Variants in ACBD6 observed in about 807,000 individuals in gnomAD.
The protein encoded by ACBD6 is acyl-CoA-binding domain-containing protein 6.
A neutral mutation model predicts 37.2 loss-of-function variants in ACBD6; 28 were observed. That is an observed-to-expected ratio of 0.75 (90% CI 0.56 to 1.03). The LOEUF is 1.03. Among genes scored for constraint, ACBD6 ranks in the 50% least tolerant of loss-of-function variants. The pLI is 0.00. For missense variants in ACBD6, 340 were observed against 337.4 expected, an observed-to-expected ratio of 1.01 and a Z score of -0.06; for synonymous variants, 113 against 126.8, an observed-to-expected ratio of 0.89 and a Z score of 0.73.
chr1:180,455,844 T>C (rs1021295007), intron 3 of ACBD6, among the ~76,000 whole-genome samples: 2 of 152,230 alleles, frequency 1.3e-5, no homozygotes, highest in Non-Finnish European at 2.9e-5. Flanking sequence ...TCCTAATCCA[T>C]AAAGGAAATG....
intron 6 of ACBD6, among the ~76,000 whole-genome samples, chr1:180,318,988 T>C (rs1030409879): frequency 1.3e-5 from 2 of 152,214 alleles, no homozygotes; most frequent in Non-Finnish European, 2.9e-5. Context: ...GTGCTTATTA[T>C]ATTTTATTCT....
chr1:180,282,411 A>G (rs999872446), intron 8 of ACBD6, among the ~76,000 whole-genome samples: 3 of 152,216 alleles, frequency 2.0e-5, no homozygotes, highest in African/African-American at 4.8e-5. Flanking sequence ...AAAAAAGAGC[A>G]AGAGAGACCA....
chr1:180,384,223 C>T (rs1653762904), intron 6 of ACBD6, among the ~76,000 whole-genome samples: 1 of 151,506 alleles, frequency 6.6e-6, no homozygotes, highest in Admixed American at 6.6e-5. Context: ...AAGAGTCAAC[C>T]TATAGAATGT....
At chr1:180,469,502 T>A (rs1301680257) in intron 3 of ACBD6, among the ~76,000 whole-genome samples, 1 of 152,182 alleles carries the variant, frequency 6.6e-6, no homozygotes, top group South Asian at 2.1e-4. Context: ...AAAAACATTT[T>A]CAAAAACTGA....
At chr1:180,273,333 C>T (rs147730162) in intron 12 of ACBD6, 6 of 152,562 alleles carry the variant, frequency 3.9e-5, no homozygotes, top group African/African-American at 1.4e-4. Flanking sequence ...GGGACTAATA[C>T]TCACCTTTTA....
intron 7 of ACBD6, among the ~76,000 whole-genome samples, chr1:180,291,775 C>T (rs1330079452): frequency 6.6e-6 from 1 of 152,068 alleles, no homozygotes; most frequent in African/African-American, 2.4e-5. Flanking sequence ...ACACCAAGAT[C>T]ACAAAGATAT....
intron 6 of ACBD6, among the ~76,000 whole-genome samples, chr1:180,369,405 A>G (rs1653171326): frequency 6.6e-6 from 1 of 152,178 alleles, no homozygotes; most frequent in African/African-American, 2.4e-5. Flanking sequence ...ACTGGTCTCT[A>G]TATAAAGTCC....
chr1:180,340,898 A>T (rs574387208), intron 6 of ACBD6, among the ~76,000 whole-genome samples: 8 of 152,284 alleles, frequency 5.3e-5, no homozygotes, highest in African/African-American at 1.2e-4. Flanking sequence ...GCACAGAATG[A>T]TGATGAGGAT....
intron 3 of ACBD6, among the ~76,000 whole-genome samples, chr1:180,470,315 T>A (rs929683365): frequency 6.6e-6 from 1 of 152,110 alleles, no homozygotes. Flanking sequence ...TATATGAAAT[T>A]CCAGCTGATC....
At chr1:180,307,336 A>AG in intron 7 of ACBD6, among the ~76,000 whole-genome samples, 1 of 152,154 alleles carries the variant, frequency 6.6e-6, no homozygotes, top group Non-Finnish European at 1.5e-5. Flanking sequence ...TAGAGAGTAG[A>AG]GGGATGGTTA....
At chr1:180,327,171 G>A (rs1434276220) in intron 6 of ACBD6, among the ~76,000 whole-genome samples, 1 of 152,268 alleles carries the variant, frequency 6.6e-6, no homozygotes, top group East Asian at 1.9e-4. Context: ...CAGTGGTGAG[G>A]TTTATCAAAA....
chr1:180,285,247 G>C (rs1383731273), downstream of ACBD6, among the ~76,000 whole-genome samples: 1 of 152,082 alleles, frequency 6.6e-6, no homozygotes, highest in African/African-American at 2.4e-5. Context: ...AAAAATGCTG[G>C]CAACTGAACT....
intron 4 of ACBD6, among the ~76,000 whole-genome samples, chr1:180,415,324 G>A (rs1044794624): frequency 1.3e-5 from 2 of 151,654 alleles, no homozygotes; most frequent in African/African-American, 2.4e-5. Flanking sequence ...TTGAACCCAG[G>A]AGGCAGAGGT....
chr1:180,351,782 G>C (rs1453864647), intron 6 of ACBD6, among the ~76,000 whole-genome samples: 1 of 152,090 alleles, frequency 6.6e-6, no homozygotes, highest in Middle Eastern at 3.2e-3. Context: ...AAATTAAACA[G>C]AGAATGATCC....
At chr1:180,373,334 T>C (rs950831901) in intron 6 of ACBD6, among the ~76,000 whole-genome samples, 4 of 152,330 alleles carry the variant, frequency 2.6e-5, no homozygotes, top group Middle Eastern at 6.8e-3. Context: ...CAGAGTTTCA[T>C]TAGAGAGTAA....
intron 5 of ACBD6, among the ~76,000 whole-genome samples, chr1:180,408,607 A>G (rs1647725550): frequency 6.6e-6 from 1 of 152,128 alleles, no homozygotes; most frequent in South Asian, 2.1e-4. Flanking sequence ...AGCATGGCAC[A>G]TGTATACATA....
chr1:180,419,383 C>T (rs910790958), intron 4 of ACBD6, among the ~76,000 whole-genome samples: 5 of 152,192 alleles, frequency 3.3e-5, no homozygotes, highest in East Asian at 1.9e-4. Context: ...TTATAATCTG[C>T]AGCATCTTAC....
chr1:180,331,628 T>G (rs1651482889), intron 6 of ACBD6, among the ~76,000 whole-genome samples: 1 of 152,214 alleles, frequency 6.6e-6, no homozygotes, highest in Admixed American at 6.5e-5. Flanking sequence ...TACATCTGAT[T>G]GTTTAAACCA....
intron 7 of ACBD6, among the ~76,000 whole-genome samples, chr1:180,311,070 G>A (rs1650572901): frequency 6.6e-6 from 1 of 152,128 alleles, no homozygotes; most frequent in South Asian, 2.1e-4. Context: ...TTTCTTTCCA[G>A]AACAGAGGGC....
Sources: gnomAD v4.1 joint callset for allele counts (sites outside exome capture counted in the v4.1 genomes callset) on GRCh38, gnomAD v4.1.1 for gene constraint, MANE v1.5 for transcripts, NCBI Gene and HGNC (gene_info 2026-07-23, HGNC 2026-07-21) for gene names.